GALNT18: variants seen among roughly 807,000 people sequenced by gnomAD.
The protein encoded by GALNT18 is GalNAc-transferase 18.
In GALNT18, 44 loss-of-function variants were observed where a neutral mutation model predicts 69.5. The ratio of observed to expected loss-of-function variants is 0.63; its 90% CI spans 0.50 to 0.81. The LOEUF is 0.81. GALNT18 is among the 40% of genes least tolerant of loss of function. The pLI, the probability that GALNT18 is intolerant of heterozygous loss-of-function variation, is 0.00. For missense variants in GALNT18, 715 were observed against 810.0 expected (o/e 0.88, Z 1.42); for synonymous variants, 364 against 318.2 (o/e 1.14, Z -1.53).
rs1156762740 is a variant in GALNT18 at position 11,562,131 on chromosome 11, G to A, written c.235+59228C>T. Among the ~76,000 whole-genome samples, 2 of 152,240 alleles carry A rather than the reference G, an allele frequency of 1.3e-5. No individual in the cohort carries two copies. The highest frequency in any genetic ancestry group is 4.8e-5 in the African/African-American group (2 of 41,450). ...CCTAACTAAGTAGCACAGACTGGGT[G>A]CCTTCAACAACAGATATTCATTCTC... On this transcript the variant is annotated intron_variant, in intron 1 of 10. Transcript: ENST00000227756. The surrounding 1 kb of genome is among the most constrained non-coding windows in gnomAD (Gnocchi z 4.1).
chr11:11,591,868 A>G lies in GALNT18; in HGVS notation c.235+29491T>C, dbSNP rs1859368730. ...CTGTGATTAGATGTTATGAAGATTT[A>G]AGGGTTTTGAGTTTGATGTAACACA... On this transcript the variant is annotated intron_variant, in intron 1 of 10. Coordinates refer to ENST00000227756, the MANE Select transcript of GALNT18 (RefSeq NM_198516.3). The surrounding 1 kb of genome is among the most constrained non-coding windows in gnomAD (Gnocchi z 4.8). Among the ~76,000 whole-genome samples the G allele has an allele frequency of 6.6e-6, 1 of 152,174 alleles. No individual in the cohort carries two copies. Among genetic ancestry groups the G allele is most frequent in the Admixed American group, 6.5e-5 (1 of 15,280 alleles).
chr11:11,600,724 T>A lies in GALNT18; in HGVS notation c.235+20635A>T, dbSNP rs192521102. Among the ~76,000 whole-genome samples the A allele has an allele frequency of 2.0e-5, 3 of 152,264 alleles. No individual in the cohort carries two copies. The highest frequency in any genetic ancestry group is 7.2e-5 in the African/African-American group (3 of 41,588). ...TATTTGGCTATTATTTCTTCATATA[T>A]TTTTTGGCTTCTTTCTTCTTTCATT... On this transcript the variant is annotated intron_variant, in intron 1 of 10. Transcript: ENST00000227756. The surrounding 1 kb of genome is among the most constrained non-coding windows in gnomAD (Gnocchi z 4.8).
At chr11:11,528,476 C>T (rs1040921505) in intron 1 of GALNT18, among the ~76,000 whole-genome samples, 6 of 152,154 alleles carry the variant, frequency 3.9e-5, no homozygotes, top group African/African-American at 1.2e-4. Context: ...GCTGTAAAGG[C>T]AATCAGATTC....
chr11:11,577,873 C>T (rs544210523), intron 1 of GALNT18, among the ~76,000 whole-genome samples: 1 of 152,284 alleles, frequency 6.6e-6, no homozygotes, highest in African/African-American at 2.4e-5. Flanking sequence ...GAAGAAGAAA[C>T]TGTTTCATAT....
intron 1 of GALNT18, among the ~76,000 whole-genome samples, chr11:11,481,484 T>A (rs575233322): frequency 6.6e-6 from 1 of 152,346 alleles, no homozygotes; most frequent in South Asian, 2.1e-4. Flanking sequence ...CAAATCCTGA[T>A]GGTGACACTC....
At chr11:11,608,399 A>G (rs571648282) in intron 1 of GALNT18, among the ~76,000 whole-genome samples, 20 of 151,896 alleles carry the variant, frequency 1.3e-4, no homozygotes, top group African/African-American at 4.6e-4. Flanking sequence ...TTGCTCTGTC[A>G]CCCAGGCTTG....
At chr11:11,375,864 G>T (rs1589950293) in intron 5 of GALNT18, among the ~76,000 whole-genome samples, 1 of 152,174 alleles carries the variant, frequency 6.6e-6, no homozygotes. Context: ...TTAAGTATGA[G>T]TATACATTTT....
rs1456358060 is a variant in GALNT18 at position 11,404,410 on chromosome 11, G to C, written c.596-25146C>G. On this transcript the variant is annotated intron_variant, in intron 3 of 10. Transcript: ENST00000227756. The surrounding 1 kb of genome is among the most constrained non-coding windows in gnomAD (Gnocchi z 4.5). ...GGAAAGCAAATGCCCATGAAATTTA[G>C]CAAGGCAAGAGGAGCAGGAGCAGGA... Among the ~76,000 whole-genome samples the C allele has an allele frequency of 6.6e-6, 1 of 152,162 alleles. No homozygotes were observed. The highest frequency in any genetic ancestry group is 6.5e-5 in the Admixed American group (1 of 15,284).
chr11:11,320,991 G>A lies in GALNT18; in HGVS notation c.1512+6095C>T, dbSNP rs1393929024. 6.6e-6 allele frequency among the ~76,000 whole-genome samples: 1 copy of A among 152,194 alleles called. No homozygotes were observed. The highest frequency in any genetic ancestry group is 2.4e-5 in the African/African-American group (1 of 41,450). On this transcript the variant is annotated intron_variant, in intron 9 of 10. Coordinates refer to ENST00000227756, the MANE Select transcript of GALNT18 (RefSeq NM_198516.3). This position sits in a 1 kb window ranked among gnomAD's most constrained non-coding sequence, Gnocchi z 4.9. Reference sequence around the variant, plus strand: ...CTCCCTGTACAGCCCAGCTGCATGAGTGTTCTGTGGCTTTGGGGGATGAGG... The same window carrying A: ...CTCCCTGTACAGCCCAGCTGCATGAATGTTCTGTGGCTTTGGGGGATGAGG...
chr11:11,463,292 C>A lies in GALNT18; in HGVS notation c.236-14356G>T, dbSNP rs1476086864. Among the ~76,000 whole-genome samples the A allele has an allele frequency of 6.6e-6, 1 of 152,124 alleles. No individual in the cohort carries two copies. The stretch of plus-strand genomic sequence containing the variant: ...CAAAAGCTCATCCTGAAAACAGATT[C>A]TTCTAGTCCCAAGTGGTTGCTCACT... On this transcript the variant is annotated intron_variant, in intron 1 of 10. Transcript: ENST00000227756. This position sits in a 1 kb window ranked among gnomAD's most constrained non-coding sequence, Gnocchi z 4.2.
Position 11,338,887 on chromosome 11 carries a change from A to C in GALNT18, c.1278+1932T>G, listed in dbSNP as rs879754863. Among the ~76,000 whole-genome samples the C allele has an allele frequency of 6.6e-6, 1 of 152,122 alleles. No individual in the cohort carries two copies. On this transcript the variant is annotated intron_variant, in intron 7 of 10. Coordinates refer to ENST00000227756, the MANE Select transcript of GALNT18 (RefSeq NM_198516.3). The surrounding 1 kb of genome is among the most constrained non-coding windows in gnomAD (Gnocchi z 5.3). ...AGTTAGGAATAAATGGAGAGAGATA[A>C]GATTCCAGGGTGTGGAATCATGGAC...
chr11:11,285,736 TGG>T (rs1407810255), intron 10 of GALNT18, among the ~76,000 whole-genome samples: 1 of 152,192 alleles, frequency 6.6e-6, no homozygotes, highest in Non-Finnish European at 1.5e-5. Flanking sequence ...TGACAGCACT[TGG>T]GGATTGGAGC....
chr11:11,526,983 G>C (rs1857539790), intron 1 of GALNT18, among the ~76,000 whole-genome samples: 1 of 152,044 alleles, frequency 6.6e-6, no homozygotes, highest in South Asian at 2.1e-4. Flanking sequence ...CATCTGATGT[G>C]GGTACCCTCT....
chr11:11,271,135 C>T lies in GALNT18; in HGVS notation c.*9G>A, dbSNP rs1220678370. The stretch of plus-strand genomic sequence containing the variant: ...TAGCAAAGAGGCAGCCGGAAGTGGC[C>T]CCGGTGGGTCAGGACGCGAGGCTCC... On this transcript the variant is annotated 3_prime_UTR_variant, in exon 11 of 11. Coordinates refer to ENST00000227756, the MANE Select transcript of GALNT18 (RefSeq NM_198516.3). The T allele has an allele frequency of 2.5e-6, 4 of 1,605,502 alleles. No individual in the cohort carries two copies. Among genetic ancestry groups the T allele is most frequent in the Non-Finnish European group, 3.4e-6 (4 of 1,173,054 alleles).
At chr11:11,326,702 G>A (rs1055007485) in intron 9 of GALNT18, among the ~76,000 whole-genome samples, 28 of 152,210 alleles carry the variant, frequency 1.8e-4, no homozygotes, top group African/African-American at 6.8e-4. Context: ...AAGGGACTCT[G>A]ACATTTCAGG....
Position 11,448,549 on chromosome 11 carries a change from T to A in GALNT18, c.428+195A>T, listed in dbSNP as rs536495540. Reference sequence around the variant, plus strand: ...TACTGGAAGAAAGCTTTGCCCCTACTCAGCTAATGGAGAAACTGAGGCTGA... The same window carrying A: ...TACTGGAAGAAAGCTTTGCCCCTACACAGCTAATGGAGAAACTGAGGCTGA... On this transcript the variant is annotated intron_variant, in intron 2 of 10. Transcript: ENST00000227756. Among the ~76,000 whole-genome samples, 11 of 152,342 alleles carry A rather than the reference T, an allele frequency of 7.2e-5. 1 individual carries two copies. The South Asian group carries it at 2.3e-3, about 32-fold the overall frequency.
intron 6 of GALNT18, among the ~76,000 whole-genome samples, chr11:11,365,928 G>C (rs1352440845): frequency 6.6e-6 from 1 of 152,126 alleles, no homozygotes; most frequent in Non-Finnish European, 1.5e-5. Context: ...CTGTCCCCTC[G>C]AAGCAAAGGT....
intron 1 of GALNT18, among the ~76,000 whole-genome samples, chr11:11,545,546 A>C (rs911404019): frequency 3.3e-5 from 5 of 152,234 alleles, no homozygotes; most frequent in African/African-American, 1.2e-4. Flanking sequence ...CAGTGTATCC[A>C]AGCCACACTC....
intron 1 of GALNT18, among the ~76,000 whole-genome samples, chr11:11,589,241 G>A (rs546225762): frequency 3.9e-5 from 6 of 152,294 alleles, no homozygotes; most frequent in African/African-American, 1.2e-4. Context: ...GTGAGGAAGT[G>A]GGGGGAGAAG....
Sources: allele counts gnomAD v4.1 joint callset (sites outside exome capture counted in the v4.1 genomes callset), GRCh38; gene constraint gnomAD v4.1.1; non-coding constraint Gnocchi (gnomAD v3.1); transcripts MANE v1.5; gene names NCBI Gene and HGNC (gene_info 2026-07-23, HGNC 2026-07-21).